IL13RA1: variants seen among roughly 807,000 people sequenced by gnomAD.
IL13RA1 encodes interleukin 13 receptor subunit alpha 1, also known as interleukin-13 receptor subunit alpha-1.
Under a neutral mutation model 33.8 loss-of-function variants are expected in IL13RA1, and 14 were observed. The ratio of observed to expected loss-of-function variants is 0.41; its 90% CI spans 0.27 to 0.65. The LOEUF (loss-of-function observed/expected upper bound fraction) is 0.65. Among genes scored for constraint, IL13RA1 ranks in the 30% least tolerant of loss-of-function variants. The pLI is 0.28. For missense variants in IL13RA1, 313 were observed against 327.0 expected (o/e 0.96, Z 0.33); for synonymous variants, 116 against 115.7 (o/e 1.00, Z -0.02).
intron 4 of IL13RA1, among the ~76,000 whole-genome samples, chrX:118,755,341 G>A (rs192958999): frequency 6.9e-4 from 76 of 110,789 alleles, no homozygotes; most frequent in African/African-American, 2.4e-3. Flanking sequence ...AACAGACCCC[G>A]GCCTGAAGAG....
chrX:118,738,742 A>G (rs1304108055), intron 1 of IL13RA1, among the ~76,000 whole-genome samples: 2 of 105,787 alleles, frequency 1.9e-5, no homozygotes, highest in East Asian at 5.9e-4. Context: ...ATATCAAGTA[A>G]TGGAATTGTT....
the IL13RA1 span, among the ~76,000 whole-genome samples, chrX:118,800,186 G>A: frequency 6.3e-5 from 7 of 111,208 alleles, no homozygotes; most frequent in African/African-American, 2.3e-4. Context: ...GACAAAACAG[G>A]CCACTGGGCT....
In IL13RA1 at chrX:118,752,581, T is replaced by G. The variant is rs756887383; in HGVS notation, c.488+2803T>G. Among the ~76,000 whole-genome samples the G allele has an allele frequency of 4.5e-5, 5 of 112,078 alleles. No homozygotes were observed. The Admixed American group carries it at 4.8e-4, about 11-fold the overall frequency. ...TCTCACGGCACCTTGCAATTTCTTGTGTCATACTACCCAGCACATTGTGTT... is the reference window on the plus strand; with the variant it reads ...TCTCACGGCACCTTGCAATTTCTTGGGTCATACTACCCAGCACATTGTGTT... On this transcript the variant is annotated intron_variant, in intron 4 of 10. Coordinates refer to ENST00000371666, the MANE Select transcript of IL13RA1 (RefSeq NM_001560.3).
downstream of IL13RA1, among the ~76,000 whole-genome samples, chrX:118,796,339 A>G (rs111764074): frequency 0.026 from 2,914 of 111,747 alleles, 95 homozygotes; most frequent in African/African-American, 0.089. Context: ...GTAAGAGACT[A>G]AGACAAAATT....
At chrX:118,731,384 C>A (rs1384053695) in intron 1 of IL13RA1, among the ~76,000 whole-genome samples, 1 of 111,526 alleles carries the variant, frequency 9.0e-6, no homozygotes, top group Non-Finnish European at 1.9e-5. Flanking sequence ...CGAGACCAGC[C>A]TGGCCAACAT....
intron 4 of IL13RA1, 38 bp from the exon 5 acceptor site, chrX:118,758,017 G>C: frequency 1.1e-6 from 1 of 940,530 alleles, no homozygotes; most frequent in Non-Finnish European, 1.5e-6. Flanking sequence ...ATACTCTGTT[G>C]AATATAATGC....
rs148643997 is a variant in IL13RA1 at position 118,781,395 on chromosome X, C to G, written c.1191+4884C>G. ...TGAGATGGAGTCTCATTCTATCACTCAGGCTGGAGTGCAGTGGCACGATCT... is the reference window on the plus strand; with the variant it reads ...TGAGATGGAGTCTCATTCTATCACTGAGGCTGGAGTGCAGTGGCACGATCT... On this transcript the variant is annotated intron_variant, in intron 10 of 10. Coordinates refer to ENST00000371666, the MANE Select transcript of IL13RA1 (RefSeq NM_001560.3). 3.4e-3 allele frequency among the ~76,000 whole-genome samples: 375 copies of G among 110,909 alleles called. 3 individuals are homozygous for G. The highest frequency in any genetic ancestry group is 0.012 in the African/African-American group (363 of 30,486).
chrX:118,731,358 C>T (rs997826159), intron 1 of IL13RA1, among the ~76,000 whole-genome samples: 1 of 111,997 alleles, frequency 8.9e-6, no homozygotes, highest in Non-Finnish European at 1.9e-5. Context: ...GGGTGGATCA[C>T]TTGAGGTCAG....
chrX:118,757,916 C>T (rs1057332807), intron 4 of IL13RA1, 139 bp from the exon 5 acceptor site: 1 of 374,873 alleles, frequency 2.7e-6, no homozygotes. Context: ...GTTTCCAACT[C>T]CTGACCTCAA....
intron 1 of IL13RA1, among the ~76,000 whole-genome samples, chrX:118,727,947 G>C (rs2017173495): frequency 1.8e-5 from 2 of 112,266 alleles, no homozygotes; most frequent in East Asian, 2.9e-4. Context: ...CGGGAGCTGC[G>C]GGGTTTTCCC....
intron 9 of IL13RA1, among the ~76,000 whole-genome samples, chrX:118,775,632 G>A (rs1190084113): frequency 9.0e-6 from 1 of 111,348 alleles, no homozygotes; most frequent in Non-Finnish European, 1.9e-5. Flanking sequence ...GCTGTTAGTT[G>A]CCTGTCTGTG....
At chrX:118,786,944 G>T (rs991668154) in intron 10 of IL13RA1, among the ~76,000 whole-genome samples, 2 of 112,109 alleles carry the variant, frequency 1.8e-5, no homozygotes, top group Non-Finnish European at 3.8e-5. Context: ...TTATTTTACA[G>T]TTCTCAGATC....
rs770895360 is a variant in IL13RA1 at position 118,773,891 on chromosome X, A to G, written c.1022A>G (p.Asn341Ser). 3.9e-6 allele frequency: 4 copies of G among 1,017,464 alleles called. No individual in the cohort carries two copies. Among genetic ancestry groups the G allele is most frequent in the South Asian group, 1.9e-5 (1 of 52,512 alleles). The allele number at this position is 1,017,464 out of a possible 1,213,427, so 83.9% of individuals were successfully genotyped here. Residue 341 changes from asparagine (N) to serine (S), a missense_variant, in exon 9 of 11, where the codon AAT becomes AGT. Transcript: ENST00000371666. ...SQEMSIGKKR[N>S]STLYITMLLI... The stretch of plus-strand genomic sequence containing the variant: ...TTTCATTCTCCAGGTAAGAAGCGCA[A>G]TTCCACACTCTACATAACCATGTTA...
rs1202614328 is a variant in IL13RA1 at position 118,758,082 on chromosome X, A to G, written c.516A>G (p.Gln172=). 5.2e-6 allele frequency: 6 copies of G among 1,161,295 alleles called. No homozygotes were observed. The highest frequency in any genetic ancestry group is 2.2e-5 in the Admixed American group (1 of 44,587). ...ACAGAAGCCTGGAAAAAATTCATCAATGTGAAAACATCTTTAGAGAAGGCC... is the reference window on the plus strand; with the variant it reads ...ACAGAAGCCTGGAAAAAATTCATCAGTGTGAAAACATCTTTAGAGAAGGCC... The part of the protein sequence containing the change: ...YWHRSLEKIH[Q]CENIFREGQY... The change falls in exon 5 of 11, where the codon CAA becomes CAG. Residue 172 remains glutamine, a synonymous_variant. Transcript: ENST00000371666.
At chrX:118,784,167 G>A (rs12833976) in intron 10 of IL13RA1, among the ~76,000 whole-genome samples, 8,569 of 62,433 alleles carry the variant, frequency 0.14, 1,886 homozygotes, top group African/African-American at 0.35. Context: ...ACATATATAC[G>A]TATATATATT....
At chrX:118,799,248 T>A (rs1259241269), downstream of IL13RA1, among the ~76,000 whole-genome samples, 2 of 113,062 alleles carry the variant, frequency 1.8e-5, no homozygotes, top group African/African-American at 3.2e-5. Flanking sequence ...ACCCACTCCA[T>A]GGGCTCCTGT....
chrX:118,796,169 T>TTA (rs2018030180), downstream of IL13RA1, among the ~76,000 whole-genome samples: 1 of 112,319 alleles, frequency 8.9e-6, no homozygotes, highest in African/African-American at 3.2e-5. Flanking sequence ...AAAAGAAAAT[T>TTA]AATAGTTTCT....
intron 4 of IL13RA1, among the ~76,000 whole-genome samples, chrX:118,751,688 T>C (rs1306843019): frequency 9.1e-6 from 1 of 110,411 alleles, no homozygotes; most frequent in Non-Finnish European, 1.9e-5. Context: ...AGACCTAGCA[T>C]AGGCAGTCTG....
intron 10 of IL13RA1, among the ~76,000 whole-genome samples, chrX:118,788,982 C>T (rs372174515): frequency 1.5e-4 from 17 of 111,965 alleles, no homozygotes; most frequent in East Asian, 1.4e-3. Flanking sequence ...CAGATTTTTG[C>T]GTTAGTGATG....
Sources: allele counts gnomAD v4.1 joint callset (sites outside exome capture counted in the v4.1 genomes callset), GRCh38; gene constraint gnomAD v4.1.1; transcripts MANE v1.5; gene names NCBI Gene and HGNC (gene_info 2026-07-23, HGNC 2026-07-21).